The following GAS2 variants were observed in gnomAD, a reference collection of about 807,000 sequenced individuals.
The protein encoded by GAS2 is growth arrest-specific protein 2.
Under a neutral mutation model 37.5 loss-of-function variants are expected in GAS2, and 20 were observed. The ratio of observed to expected loss-of-function variants is 0.53; its 90% CI spans 0.37 to 0.77. The LOEUF is 0.77. Among genes scored for constraint, GAS2 ranks in the 30% least tolerant of loss-of-function variants. The probability of loss-of-function intolerance (pLI) is 0.00; values close to 1 mark genes in which losing one functional copy is unlikely to be tolerated. For missense variants in GAS2, 336 were observed against 373.4 expected, an observed-to-expected ratio of 0.90 and a Z score of 0.82; for synonymous variants, 144 against 132.2, an observed-to-expected ratio of 1.09 and a Z score of -0.61.
intron 1 of GAS2, among the ~76,000 whole-genome samples, chr11:22,671,520 C>T (rs1849199484): frequency 1.3e-5 from 2 of 152,052 alleles, no homozygotes; most frequent in Admixed American, 1.3e-4. Context: ...TTTCTTTCTC[C>T]CTAACCTACT....
At chr11:22,787,673 C>T (rs1855883679) in intron 7 of GAS2, among the ~76,000 whole-genome samples, 1 of 152,160 alleles carries the variant, frequency 6.6e-6, no homozygotes. Context: ...GGGGGAAAAA[C>T]ACGTTTGCTT....
chr11:22,635,337 G>A (rs188756370), intron 1 of GAS2, among the ~76,000 whole-genome samples: 1 of 152,326 alleles, frequency 6.6e-6, no homozygotes, highest in Non-Finnish European at 1.5e-5. Flanking sequence ...GAACATTCCA[G>A]GGAGGAGCAC....
At chr11:22,742,088 A>G (rs1221515923) in intron 5 of GAS2, among the ~76,000 whole-genome samples, 1 of 152,152 alleles carries the variant, frequency 6.6e-6, no homozygotes, top group Non-Finnish European at 1.5e-5. Context: ...TCATAAAGTC[A>G]TTAACCATAA....
intron 3 of GAS2, among the ~76,000 whole-genome samples, chr11:22,721,142 T>C (rs337443): frequency 0.88 from 133,606 of 151,808 alleles, 61,074 homozygotes; most frequent in East Asian, 1. Flanking sequence ...AATGGGACAA[T>C]CCATATGAAA....
chr11:22,799,714 A>G (rs1297011404), intron 7 of GAS2, among the ~76,000 whole-genome samples: 1 of 152,104 alleles, frequency 6.6e-6, no homozygotes. Context: ...TTTCCTAAAT[A>G]AGCAATGCAG....
rs1590091256 is a variant in GAS2 at position 22,753,936 on chromosome 11, A to C, written c.616-1910A>C. 3.9e-5 allele frequency among the ~76,000 whole-genome samples: 6 copies of C among 152,212 alleles called. 1 individual carries two copies. The highest frequency in any genetic ancestry group is 3.9e-4 in the Admixed American group (6 of 15,246). Reference sequence around the variant, plus strand: ...TGTGGTTCTGCATTATTGGAAGGAAATGATGTGCTCTTTATTCAACTTTTA... The same window carrying C: ...TGTGGTTCTGCATTATTGGAAGGAACTGATGTGCTCTTTATTCAACTTTTA... On this transcript the variant is annotated intron_variant, in intron 6 of 7. Transcript: ENST00000454584.
At chr11:22,727,723 T>C (rs1010539241) in intron 4 of GAS2, among the ~76,000 whole-genome samples, 3 of 152,042 alleles carry the variant, frequency 2.0e-5, no homozygotes, top group Admixed American at 1.3e-4. Flanking sequence ...ATTATTACCA[T>C]TTCCTCATAT....
At chr11:22,694,055 T>G (rs916938922) in intron 3 of GAS2, among the ~76,000 whole-genome samples, 16 of 152,250 alleles carry the variant, frequency 1.1e-4, no homozygotes, top group Admixed American at 2.0e-4. Flanking sequence ...GAAAAATAAC[T>G]AATGGGTACT....
intron 5 of GAS2, among the ~76,000 whole-genome samples, chr11:22,743,839 G>T (rs190057209): frequency 1.3e-5 from 2 of 152,088 alleles, no homozygotes; most frequent in African/African-American, 4.8e-5. Context: ...TCCATACAAG[G>T]AATCAATGAA....
intron 7 of GAS2, among the ~76,000 whole-genome samples, chr11:22,809,056 T>C (rs1414385606): frequency 6.6e-6 from 1 of 152,094 alleles, no homozygotes; most frequent in Non-Finnish European, 1.5e-5. Context: ...GAGAACCAGA[T>C]CTTTGATTTG....
intron 3 of GAS2, among the ~76,000 whole-genome samples, chr11:22,709,420 A>C (rs1447297937): frequency 6.6e-6 from 1 of 152,204 alleles, no homozygotes; most frequent in Non-Finnish European, 1.5e-5. Flanking sequence ...AATTAATTGA[A>C]GATAAGCTAT....
chr11:22,717,097 A>G (rs1851716242), intron 3 of GAS2, among the ~76,000 whole-genome samples: 1 of 151,480 alleles, frequency 6.6e-6, no homozygotes. Flanking sequence ...AATTCAATGT[A>G]ATTCCCATCA....
At chr11:22,789,252 C>G (rs912077431) in intron 7 of GAS2, among the ~76,000 whole-genome samples, 2 of 139,720 alleles carry the variant, frequency 1.4e-5, no homozygotes, top group Non-Finnish European at 3.1e-5. Context: ...AGAAAAAGTT[C>G]AATTTCCTGG....
intron 7 of GAS2, among the ~76,000 whole-genome samples, chr11:22,765,548 G>A (rs1854641250): frequency 6.6e-6 from 1 of 152,176 alleles, no homozygotes; most frequent in Non-Finnish European, 1.5e-5. Context: ...GGGAGGCCAA[G>A]GCGGGCGGCT....
chr11:22,713,095 G>A (rs1851491367), intron 3 of GAS2, among the ~76,000 whole-genome samples: 2 of 148,576 alleles, frequency 1.3e-5, no homozygotes, highest in African/African-American at 2.5e-5. Flanking sequence ...AGAAAAGAAA[G>A]GAAAAAAGAA....
intron 7 of GAS2, among the ~76,000 whole-genome samples, chr11:22,808,496 T>C (rs138821415): frequency 3.3e-5 from 5 of 152,322 alleles, no homozygotes; most frequent in African/African-American, 1.2e-4. Flanking sequence ...CTTTGCAAAG[T>C]ACTATGGATT....
chr11:22,783,613 T>C (rs959626155), intron 7 of GAS2, among the ~76,000 whole-genome samples: 6 of 152,140 alleles, frequency 3.9e-5, no homozygotes, highest in African/African-American at 1.2e-4. Flanking sequence ...TACAACTGCA[T>C]AGGGCCTCAC....
chr11:22,702,731 G>A (rs1484168448), intron 3 of GAS2: 1 of 152,080 alleles, frequency 6.6e-6, no homozygotes, highest in Non-Finnish European at 1.5e-5. Context: ...ACATATTGGG[G>A]TATGCTCCTA....
chr11:22,658,795 A>G (rs147532687), intron 1 of GAS2, among the ~76,000 whole-genome samples: 49 of 152,324 alleles, frequency 3.2e-4, no homozygotes, highest in African/African-American at 1.1e-3. Context: ...CCTGACTTTT[A>G]TCTCCTCTCC....
Sources: allele counts gnomAD v4.1 joint callset (sites outside exome capture counted in the v4.1 genomes callset), GRCh38; gene constraint gnomAD v4.1.1; transcripts MANE v1.5; gene names NCBI Gene and HGNC (gene_info 2026-07-23, HGNC 2026-07-21).